Variants in MEGF11 observed in about 807,000 individuals in gnomAD.
MEGF11 encodes the protein multiple epidermal growth factor-like domains protein 11.
MEGF11 carries 126 observed loss-of-function variants against 146.6 expected under a neutral mutation model. The ratio of observed to expected loss-of-function variants is 0.86; its 90% CI spans 0.74 to 1.00. MEGF11 has a LOEUF of 1.00. Ranked by LOEUF, MEGF11 falls within the 50% of genes least tolerant of loss-of-function variation. MEGF11 has a pLI of 0.00. For missense variants in MEGF11, 1,509 were observed against 1,521.2 expected (o/e 0.99, Z 0.13); for synonymous variants, 532 against 583.4 (o/e 0.91, Z 1.27).
intron 5 of MEGF11, among the ~76,000 whole-genome samples, chr15:66,051,662 G>T (rs56246018): frequency 1.3e-5 from 2 of 152,172 alleles, no homozygotes; most frequent in Non-Finnish European, 2.9e-5. Flanking sequence ...CATCTGCAGG[G>T]GCTGGAGCCT....
intron 5 of MEGF11, among the ~76,000 whole-genome samples, chr15:66,042,083 G>T (rs1208106760): frequency 1.3e-5 from 2 of 148,816 alleles, no homozygotes; most frequent in African/African-American, 4.9e-5. Flanking sequence ...ATGTAGCAGA[G>T]ACAGAATGCA....
At chr15:65,904,435 T>G (rs2078569860) in intron 24 of MEGF11, among the ~76,000 whole-genome samples, 2 of 152,240 alleles carry the variant, frequency 1.3e-5, no homozygotes, top group Non-Finnish European at 2.9e-5. Flanking sequence ...GATGACCTTT[T>G]GTCCTCAGAC....
chr15:66,128,163 T>A (rs2088465642), intron 2 of MEGF11, 143 bp downstream of exon 2: 1 of 492,446 alleles, frequency 2.0e-6, no homozygotes, highest in Non-Finnish European at 3.5e-6. Context: ...CTGTCCTGTC[T>A]CTCAGCATGT....
chr15:66,183,551 A>G (rs1051667660), intron 1 of MEGF11, among the ~76,000 whole-genome samples: 2 of 152,120 alleles, frequency 1.3e-5, no homozygotes, highest in Admixed American at 6.5e-5. Context: ...GAAAAAAAAA[A>G]AAAAGAAAAC....
chr15:66,007,323 T>A (rs1325123398), intron 5 of MEGF11, among the ~76,000 whole-genome samples: 1 of 152,236 alleles, frequency 6.6e-6, no homozygotes, highest in African/African-American at 2.4e-5. Flanking sequence ...TTATACCACA[T>A]AGCATATTCC....
At chr15:66,233,939 T>C (rs2092029306) in intron 1 of MEGF11, among the ~76,000 whole-genome samples, 2 of 139,502 alleles carry the variant, frequency 1.4e-5, no homozygotes, top group South Asian at 2.3e-4. Flanking sequence ...ATTTCTTTTT[T>C]TTTTTCTTTT....
intron 1 of MEGF11, among the ~76,000 whole-genome samples, chr15:66,172,288 C>T (rs1430071205): frequency 5.9e-5 from 9 of 152,238 alleles, no homozygotes; most frequent in Admixed American, 5.9e-4. Context: ...CCCTGCCTCC[C>T]TCCAGGAGCT....
intron 4 of MEGF11, among the ~76,000 whole-genome samples, chr15:66,101,037 AGGCGGGTGAGT>A: frequency 1.1e-5 from 1 of 93,448 alleles, no homozygotes; most frequent in Non-Finnish European, 2.4e-5. Flanking sequence ...GCGGGTGAGC[AGGCGGGTGAGT>A]GAGCCAGTGA....
intron 1 of MEGF11, among the ~76,000 whole-genome samples, chr15:66,166,724 G>A (rs111726655): frequency 1.1e-4 from 16 of 151,762 alleles, no homozygotes; most frequent in African/African-American, 3.9e-4. Context: ...TCCCAGATCC[G>A]CCTCTGGCTG....
chr15:66,149,346 G>C (rs77912320), intron 1 of MEGF11, among the ~76,000 whole-genome samples: 1 of 152,314 alleles, frequency 6.6e-6, no homozygotes, highest in East Asian at 1.9e-4. Context: ...ACCGTCACTT[G>C]ATCTCTCCAA....
chr15:66,182,156 T>C (rs2090565931), intron 1 of MEGF11, among the ~76,000 whole-genome samples: 1 of 152,134 alleles, frequency 6.6e-6, no homozygotes, highest in South Asian at 2.1e-4. Context: ...GAGATAGACA[T>C]GCCTTTTGAT....
intron 1 of MEGF11, among the ~76,000 whole-genome samples, chr15:66,130,556 C>G (rs1597112270): frequency 6.7e-6 from 1 of 150,076 alleles, no homozygotes; most frequent in East Asian, 2.0e-4. Flanking sequence ...TAACTTGGAT[C>G]ATTGCTGTAA....
rs534593465 is a variant in MEGF11 at position 65,965,284 on chromosome 15, C to G, written c.900-164G>C. On this transcript the variant is annotated intron_variant, in intron 8 of 25. Coordinates refer to ENST00000395614, the MANE Select transcript of MEGF11 (RefSeq NM_001385028.1). ...TCTCTCTCCTCCTCCAGGAAGTAGT[C>G]CATGGTTTAGTTCGCCCCAGTCATT... 4.3e-5 allele frequency: 25 copies of G among 581,288 alleles called. 1 individual carries two copies. The South Asian group carries it at 5.9e-4, about 14-fold the overall frequency. The allele number at this position is 581,288 out of a possible 1,614,324, so 36.0% of individuals were successfully genotyped here. A position where few individuals can be genotyped will look rare whatever the true frequency, so the allele number is the denominator to read the frequency against.
chr15:66,061,568 G>C (rs1198802033), intron 5 of MEGF11, among the ~76,000 whole-genome samples: 2 of 151,726 alleles, frequency 1.3e-5, no homozygotes, highest in Non-Finnish European at 2.9e-5. Flanking sequence ...ATCACAGATT[G>C]TCATCAACGT....
intron 24 of MEGF11, among the ~76,000 whole-genome samples, chr15:65,903,348 T>G (rs903880163): frequency 6.6e-6 from 1 of 152,166 alleles, no homozygotes; most frequent in Non-Finnish European, 1.5e-5. Context: ...GCAGAATCAC[T>G]GTGCTAGGGG....
At chr15:66,042,107 CTTTTTTTTT>C (rs199704077) in intron 5 of MEGF11, among the ~76,000 whole-genome samples, 1 of 143,114 alleles carries the variant, frequency 7.0e-6, no homozygotes, top group Non-Finnish European at 1.5e-5. Context: ...ATTTCTTTCC[CTTTTTTTTT>C]TTTTTTTTTC....
intron 5 of MEGF11, among the ~76,000 whole-genome samples, chr15:66,039,259 G>A (rs903965593): frequency 1.7e-4 from 26 of 152,266 alleles, no homozygotes; most frequent in African/African-American, 6.3e-4. Flanking sequence ...AAGGATAAAT[G>A]CTCCCAGGAA....
At chr15:66,065,917 G>A (rs573654771) in intron 5 of MEGF11, among the ~76,000 whole-genome samples, 11 of 152,160 alleles carry the variant, frequency 7.2e-5, no homozygotes, top group Middle Eastern at 3.2e-3. Flanking sequence ...GAGGGGCTGG[G>A]GCCTGGGGTG....
intron 15 of MEGF11, among the ~76,000 whole-genome samples, 184 bp from the exon 16 acceptor site, chr15:65,918,278 G>T (rs2079068266): frequency 6.6e-6 from 1 of 152,188 alleles, no homozygotes; most frequent in African/African-American, 2.4e-5. Context: ...TAAATGAGTT[G>T]CCCCTCTCAT....
Sources: allele counts gnomAD v4.1 joint callset (sites outside exome capture counted in the v4.1 genomes callset), GRCh38; gene constraint gnomAD v4.1.1; transcripts MANE v1.5; gene names NCBI Gene and HGNC (gene_info 2026-07-23, HGNC 2026-07-21).